Variants in COL24A1 observed in about 807,000 individuals in gnomAD.
COL24A1 encodes the protein collagen type XXIV alpha 1 chain.
COL24A1 carries 224 observed loss-of-function variants against 253.9 expected under a neutral mutation model. The ratio of observed to expected loss-of-function variants is 0.88; its 90% CI spans 0.79 to 0.99. The LOEUF is 0.99. Ranked by LOEUF, COL24A1 falls within the 50% of genes least tolerant of loss-of-function variation. The probability of loss-of-function intolerance (pLI) is 0.00; values close to 1 mark genes in which losing one functional copy is unlikely to be tolerated. For missense variants in COL24A1, 2,131 were observed against 2,068.5 expected (o/e 1.03, Z -0.59); for synonymous variants, 685 against 673.7 (o/e 1.02, Z -0.26).
At chr1:85,842,431 T>G (rs759260231) in intron 39 of COL24A1, 38 bp from the exon 40 acceptor site, 11 of 1,288,394 alleles carry the variant, frequency 8.5e-6, no homozygotes, top group Middle Eastern at 1.9e-4. Flanking sequence ...AGAGAGAAAG[T>G]AAAGAATTGT....
intron 24 of COL24A1, among the ~76,000 whole-genome samples, chr1:85,942,941 G>C (rs1688888456): frequency 1.3e-5 from 2 of 152,128 alleles, no homozygotes. Flanking sequence ...TAGGAACCTG[G>C]TAAAGCATTA....
chr1:86,149,056 G>A (rs1279412855), intron 1 of COL24A1, among the ~76,000 whole-genome samples: 3 of 152,176 alleles, frequency 2.0e-5, no homozygotes, highest in Non-Finnish European at 2.9e-5. Context: ...CTGCACACCC[G>A]GCTAATTTTT....
chr1:85,844,579 T>A (rs1182015705), intron 39 of COL24A1, among the ~76,000 whole-genome samples: 1 of 151,836 alleles, frequency 6.6e-6, no homozygotes, highest in African/African-American at 2.4e-5. Flanking sequence ...TTGAACTGAC[T>A]AATAAAAGAG....
intron 5 of COL24A1, among the ~76,000 whole-genome samples, chr1:86,095,398 T>G (rs758825655): frequency 6.6e-6 from 1 of 152,092 alleles, no homozygotes; most frequent in Non-Finnish European, 1.5e-5. Flanking sequence ...ATTGATCAAC[T>G]CATGTTTTAG....
At chr1:85,738,810 C>T (rs1664322051) in intron 57 of COL24A1, among the ~76,000 whole-genome samples, 1 of 152,146 alleles carries the variant, frequency 6.6e-6, no homozygotes, top group South Asian at 2.1e-4. Context: ...ACTAATCCCT[C>T]TAAATGCTTA....
At chr1:85,970,782 A>G (rs1692081073) in intron 21 of COL24A1, among the ~76,000 whole-genome samples, 1 of 152,236 alleles carries the variant, frequency 6.6e-6, no homozygotes, top group African/African-American at 2.4e-5. Flanking sequence ...GTAAATATAA[A>G]TTCTAGTATA....
intron 18 of COL24A1, among the ~76,000 whole-genome samples, chr1:86,021,402 C>A (rs1414482306): frequency 1.3e-5 from 2 of 152,088 alleles, no homozygotes; most frequent in African/African-American, 2.4e-5. Context: ...GGCACAGTAG[C>A]TAAACGCATG....
chr1:85,862,188 T>C (rs1004706816), intron 37 of COL24A1, among the ~76,000 whole-genome samples: 1 of 152,206 alleles, frequency 6.6e-6, no homozygotes, highest in African/African-American at 2.4e-5. Flanking sequence ...CTTTCAGTCT[T>C]CTTCATTAGA....
intron 31 of COL24A1, among the ~76,000 whole-genome samples, chr1:85,894,465 T>C (rs1316563929): frequency 1.3e-5 from 2 of 152,128 alleles, no homozygotes; most frequent in Non-Finnish European, 2.9e-5. Context: ...AGGTCAACAA[T>C]GAATGACCTA....
intron 24 of COL24A1, among the ~76,000 whole-genome samples, chr1:85,951,500 T>C (rs1689927800): frequency 6.6e-6 from 1 of 152,172 alleles, no homozygotes; most frequent in African/African-American, 2.4e-5. Context: ...GTGAGTGATG[T>C]TTAATGAATA....
At chr1:85,793,457 AAGAG>A (rs905219137) in intron 47 of COL24A1, among the ~76,000 whole-genome samples, 1 of 151,328 alleles carries the variant, frequency 6.6e-6, no homozygotes, top group East Asian at 1.9e-4. Context: ...AAGAGAAGGA[AAGAG>A]AGAGAGAGAG....
chr1:86,055,668 A>C (rs980821179), intron 10 of COL24A1, among the ~76,000 whole-genome samples: 12 of 152,244 alleles, frequency 7.9e-5, no homozygotes, highest in Non-Finnish European at 1.6e-4. Flanking sequence ...TAGTAAATAC[A>C]TGCATACACT....
chr1:85,908,539 A>G, intron 27 of COL24A1, 59 bp downstream of exon 27: 1 of 948,934 alleles, frequency 1.1e-6, no homozygotes, highest in Admixed American at 3.1e-5. Flanking sequence ...ATAACAATTT[A>G]TGAGTTTAAA....
intron 53 of COL24A1, among the ~76,000 whole-genome samples, chr1:85,765,802 A>C (rs984976627): frequency 1.1e-4 from 16 of 152,178 alleles, no homozygotes; most frequent in African/African-American, 3.9e-4. Context: ...TATAAGTTAA[A>C]ATTTTACTTA....
chr1:86,055,686 A>G (rs1480690289), intron 10 of COL24A1, among the ~76,000 whole-genome samples: 2 of 152,230 alleles, frequency 1.3e-5, no homozygotes, highest in Non-Finnish European at 2.9e-5. Context: ...ACTATGCCCT[A>G]TACCTTAAGA....
intron 43 of COL24A1, among the ~76,000 whole-genome samples, chr1:85,833,277 A>G (rs1163690187): frequency 2.0e-5 from 3 of 152,034 alleles, no homozygotes; most frequent in Non-Finnish European, 4.4e-5. Context: ...TTACAAGAAA[A>G]AAACAACCCC....
chr1:85,988,375 A>G (rs1033010657), intron 19 of COL24A1, among the ~76,000 whole-genome samples: 1 of 152,048 alleles, frequency 6.6e-6, no homozygotes. Flanking sequence ...GGCTCAAGAA[A>G]TGAAAAAGAA....
intron 7 of COL24A1, among the ~76,000 whole-genome samples, chr1:86,068,678 C>A (rs958804566): frequency 6.6e-6 from 1 of 152,102 alleles, no homozygotes; most frequent in African/African-American, 2.4e-5. Flanking sequence ...CTTCCCTAAG[C>A]CCAGGCAGTG....
chr1:86,082,784 T>G (rs1325451202), intron 7 of COL24A1, among the ~76,000 whole-genome samples: 10 of 150,886 alleles, frequency 6.6e-5, no homozygotes, highest in Non-Finnish European at 1.3e-4. Context: ...ATCCCTTGCC[T>G]GAAATGCTTG....
Sources: allele counts gnomAD v4.1 joint callset (sites outside exome capture counted in the v4.1 genomes callset), GRCh38; gene constraint gnomAD v4.1.1; transcripts MANE v1.5; gene names NCBI Gene and HGNC (gene_info 2026-07-23, HGNC 2026-07-21).